The following DRC8 variants were observed in gnomAD, a reference collection of about 807,000 sequenced individuals.
DRC8 encodes dynein regulatory complex protein 8.
At chr1:245,084,895 C>T in the DRC8 span, among the ~76,000 whole-genome samples, 1 of 152,218 alleles carries the variant, frequency 6.6e-6, no homozygotes, top group Non-Finnish European at 1.5e-5. Context: ...CACCCAAGAA[C>T]TCTGACGCCA....
chr1:244,994,767 G>A, the DRC8 span, among the ~76,000 whole-genome samples: 1 of 152,106 alleles, frequency 6.6e-6, no homozygotes, highest in African/African-American at 2.4e-5. Flanking sequence ...TGAGTGAAAG[G>A]ATCTGTAAGA....
the DRC8 span, among the ~76,000 whole-genome samples, chr1:245,121,627 C>T: frequency 6.6e-6 from 1 of 152,200 alleles, no homozygotes; most frequent in Non-Finnish European, 1.5e-5. Context: ...GACAGTGCTG[C>T]ACCTCTACTA....
At chr1:245,115,492 C>T in the DRC8 span, among the ~76,000 whole-genome samples, 8 of 152,228 alleles carry the variant, frequency 5.3e-5, no homozygotes, top group African/African-American at 1.9e-4. Context: ...AACCTGGTGA[C>T]AGTGGGTTAA....
At chr1:244,977,914 A>T in the DRC8 span, among the ~76,000 whole-genome samples, 1 of 152,184 alleles carries the variant, frequency 6.6e-6, no homozygotes, top group South Asian at 2.1e-4. Context: ...TATAAAAATT[A>T]TATGTGTAAA....
chr1:245,027,839 G>C, the DRC8 span, among the ~76,000 whole-genome samples: 1 of 144,606 alleles, frequency 6.9e-6, no homozygotes, highest in Non-Finnish European at 1.5e-5. Context: ...TGAATTCTTT[G>C]ATTTATTTTT....
At chr1:245,114,325 T>C in the DRC8 span, among the ~76,000 whole-genome samples, 2 of 151,882 alleles carry the variant, frequency 1.3e-5, no homozygotes, top group African/African-American at 4.8e-5. Context: ...ATTAGCCAGG[T>C]GTGGTGGCAG....
At chr1:245,100,553 G>T in the DRC8 span, among the ~76,000 whole-genome samples, 1 of 151,982 alleles carries the variant, frequency 6.6e-6, no homozygotes, top group African/African-American at 2.4e-5. Context: ...GGCTGAGGCT[G>T]GTGGATTGCC....
At chr1:244,987,608 C>T in the DRC8 span, among the ~76,000 whole-genome samples, 2 of 150,666 alleles carry the variant, frequency 1.3e-5, no homozygotes, top group African/African-American at 2.5e-5. Context: ...CTCCCCTGAC[C>T]CCCCCAGCCA....
At chr1:245,061,682 C>G in the DRC8 span, among the ~76,000 whole-genome samples, 5 of 152,208 alleles carry the variant, frequency 3.3e-5, no homozygotes, top group East Asian at 9.6e-4. Flanking sequence ...ATAGTGAATA[C>G]ATGTAAACAC....
chr1:245,041,394 A>G, the DRC8 span, among the ~76,000 whole-genome samples: 1 of 152,206 alleles, frequency 6.6e-6, no homozygotes, highest in South Asian at 2.1e-4. Context: ...AGGGCATTAC[A>G]TGTTATGATT....
At chr1:245,097,527 A>AAAG in the DRC8 span, among the ~76,000 whole-genome samples, 40 of 150,058 alleles carry the variant, frequency 2.7e-4, no homozygotes, top group South Asian at 2.6e-3. This position sits in a 1 kb window ranked among gnomAD's most constrained non-coding sequence, Gnocchi z 5.0. Flanking sequence ...CAAAAAAAAA[A>AAAG]AAAGAAAGAA....
chr1:244,985,076 GTTT>G, the DRC8 span, among the ~76,000 whole-genome samples: 1 of 130,804 alleles, frequency 7.6e-6, no homozygotes, highest in African/African-American at 3.1e-5. Flanking sequence ...TGTCTCCAGG[GTTT>G]TTTTTTTTTT....
the DRC8 span, among the ~76,000 whole-genome samples, chr1:245,064,832 T>C: frequency 6.6e-6 from 1 of 152,056 alleles, no homozygotes; most frequent in African/African-American, 2.4e-5. Context: ...ACATTAATTT[T>C]TTTTTTCCTG....
chr1:245,086,385 CAA>C, the DRC8 span, among the ~76,000 whole-genome samples: 190 of 152,300 alleles, frequency 1.2e-3, 1 homozygote, highest in African/African-American at 4.4e-3. Context: ...CAGAATTCTA[CAA>C]ATTGTTTTTA....
the DRC8 span, among the ~76,000 whole-genome samples, chr1:245,100,218 C>G: frequency 6.6e-6 from 1 of 152,082 alleles, no homozygotes; most frequent in African/African-American, 2.4e-5. Flanking sequence ...AACCCAGTCT[C>G]TACTAAAAAT....
the DRC8 span, among the ~76,000 whole-genome samples, chr1:245,010,114 G>A: frequency 6.6e-6 from 1 of 152,110 alleles, no homozygotes; most frequent in African/African-American, 2.4e-5. Flanking sequence ...GGCCACCTCG[G>A]CCTCCCAAAG....
the DRC8 span, chr1:245,087,384 T>G: frequency 1.9e-6 from 3 of 1,563,234 alleles, no homozygotes; most frequent in Non-Finnish European, 2.6e-6. Flanking sequence ...AATTTCTGAT[T>G]GAAAGAACAA....
chr1:245,009,255 G>A, the DRC8 span, among the ~76,000 whole-genome samples: 4 of 151,316 alleles, frequency 2.6e-5, no homozygotes, highest in African/African-American at 9.7e-5. Flanking sequence ...GGCTGGTCTC[G>A]AACTCCTGAC....
the DRC8 span, among the ~76,000 whole-genome samples, chr1:245,084,201 C>T: frequency 6.6e-6 from 1 of 151,652 alleles, no homozygotes; most frequent in Admixed American, 6.6e-5. Flanking sequence ...CCTGCCTCAG[C>T]CTCCCGAGTA....
Sources: allele counts gnomAD v4.1 joint callset (sites outside exome capture counted in the v4.1 genomes callset), GRCh38; gene constraint gnomAD v4.1.1; non-coding constraint Gnocchi (gnomAD v3.1); transcripts MANE v1.5; gene names NCBI Gene and HGNC (gene_info 2026-07-23, HGNC 2026-07-21).